MYO1B: variants seen among roughly 807,000 people sequenced by gnomAD.
MYO1B encodes myosin IB.
MYO1B carries 72 observed loss-of-function variants against 159.7 expected under a neutral mutation model. The ratio of observed to expected loss-of-function variants is 0.45; its 90% CI spans 0.37 to 0.55. The LOEUF is 0.55. Among genes scored for constraint, MYO1B ranks in the 20% least tolerant of loss-of-function variants. The pLI, the probability that MYO1B is intolerant of heterozygous loss-of-function variation, is 0.00. For missense variants in MYO1B, 1,062 were observed against 1,364.8 expected, an observed-to-expected ratio of 0.78 and a Z score of 3.50; for synonymous variants, 468 against 473.8, an observed-to-expected ratio of 0.99 and a Z score of 0.16.
intron 1 of MYO1B, among the ~76,000 whole-genome samples, chr2:191,265,187 G>GT (rs34417586): frequency 0.049 from 6,702 of 136,132 alleles, 398 homozygotes; most frequent in African/African-American, 0.15. Context: ...GAAGGCCCCT[G>GT]TTTTTTTTTT....
Position 191,408,155 on chromosome 2 carries a change from G to A in MYO1B, c.2597G>A (p.Gly866Glu). The change falls in exon 25 of 31, where the codon GGA becomes GAA. Residue 866 changes from glycine to glutamate, a missense_variant. Physicochemically the swap from Gly to Glu is moderately conservative, Grantham distance 98. This residue lies in a region of MYO1B where 609 missense variants were observed against 744.4 expected (regional missense o/e 0.82). Coordinates refer to ENST00000392318, the MANE Select transcript of MYO1B (RefSeq NM_001130158.3). ...EYRKFFRANA[G>E]KKIYEFTLQR... Reference sequence around the variant, plus strand: ...AGGAAATTCTTCAGAGCCAATGCTGGAAAGAAAATCTATGAGTTTACGCTT... The same window carrying A: ...AGGAAATTCTTCAGAGCCAATGCTGAAAAGAAAATCTATGAGTTTACGCTT... The A allele has an allele frequency of 6.2e-7, 1 of 1,613,344 alleles. No homozygotes were observed. Among genetic ancestry groups the A allele is most frequent in the East Asian group, 2.2e-5 (1 of 44,804 alleles).
Position 191,362,259 on chromosome 2 carries a change from AT to A in MYO1B, c.662-7del. 1 of 1,607,964 alleles carries A rather than the reference AT, an allele frequency of 6.2e-7. No individual in the cohort carries two copies. Among genetic ancestry groups the A allele is most frequent in the Non-Finnish European group, 8.5e-7 (1 of 1,174,866 alleles). On this transcript the variant is annotated splice_region_variant and splice_polypyrimidine_tract_variant and intron_variant, in intron 8 of 30. Transcript: ENST00000392318. ...AGCAACTTAACAACTTGTGTCTTTG[AT>A]TCAATAGATAAACTTAAGCTTGAGA...
chr2:191,354,256 AAATAATAATAATAATAATAAT>A (rs71030337), intron 7 of MYO1B, among the ~76,000 whole-genome samples: 4 of 143,860 alleles, frequency 2.8e-5, no homozygotes, highest in African/African-American at 1.0e-4. Flanking sequence ...ACTCCGTCTT[AAATAATAATAATAATAATAAT>A]AATAATAATA....
At chr2:191,334,415 G>A (rs1222660553) in intron 4 of MYO1B, among the ~76,000 whole-genome samples, 1 of 152,012 alleles carries the variant, frequency 6.6e-6, no homozygotes, top group Non-Finnish European at 1.5e-5. Context: ...CAGAGGATTG[G>A]CATCCATTTT....
At chr2:191,376,771 A>T (rs1487198806) in intron 13 of MYO1B, among the ~76,000 whole-genome samples, 1 of 152,186 alleles carries the variant, frequency 6.6e-6, no homozygotes, top group Non-Finnish European at 1.5e-5. Flanking sequence ...TGTCCCAAAT[A>T]CAGAGGGACA....
rs56181818 is a variant in MYO1B, at chr2:191,327,671, G to T, written c.252-2264G>T. On this transcript the variant is annotated intron_variant, in intron 3 of 30. Transcript: ENST00000392318. ...AATCAGAATGTGAGAGAAGGCTAAG[G>T]CCACAAGCAGCTGTGAAGCTTGAGC... Among the ~76,000 whole-genome samples, 1,282 of 152,334 alleles carry T rather than the reference G, an allele frequency of 8.4e-3. 18 individuals are homozygous for T. The highest frequency in any genetic ancestry group is 0.029 in the African/African-American group (1,224 of 41,584).
chr2:191,363,717 T>C lies in MYO1B; in HGVS notation c.766-11T>C, dbSNP rs76422742. ...AGAAAAAAATAGTTGCTTTTTTTTTTCTCTCCCCAGAATGCCATGCAGATT... is the reference window on the plus strand; with the variant it reads ...AGAAAAAAATAGTTGCTTTTTTTTTCCTCTCCCCAGAATGCCATGCAGATT... On this transcript the variant is annotated splice_polypyrimidine_tract_variant and intron_variant, in intron 9 of 30. Transcript: ENST00000392318. 3 of 1,572,190 alleles carry C rather than the reference T, an allele frequency of 1.9e-6. No homozygotes were observed. The highest frequency in any genetic ancestry group is 2.6e-6 in the Non-Finnish European group (3 of 1,167,682).
chr2:191,360,600 T>G, intron 7 of MYO1B, 31 bp from the exon 8 acceptor site: 1 of 1,381,526 alleles, frequency 7.2e-7, no homozygotes, highest in Non-Finnish European at 1.0e-6. Context: ...GTGAAACAAA[T>G]GCCATACTAT....
chr2:191,341,495 T>C lies in MYO1B; in HGVS notation c.381T>C (p.Ala127=). 1.2e-6 allele frequency: 2 copies of C among 1,614,072 alleles called. No homozygotes were observed. Among genetic ancestry groups the C allele is most frequent in the East Asian group, 2.2e-5 (1 of 44,884 alleles). ...AGCTTGTCATGTCCTATGTGGCAGC[T>C]GTTTGTGGAAAAGGAGCAGAAGTTA... ...ASKLVMSYVA[A]VCGKGAEVNQ... Residue 127 remains alanine, a synonymous_variant, in exon 5 of 31, where the codon GCT becomes GCC. Transcript: ENST00000392318.
intron 3 of MYO1B, among the ~76,000 whole-genome samples, chr2:191,303,184 A>G (rs1294375256): frequency 6.6e-6 from 1 of 151,700 alleles, no homozygotes; most frequent in Middle Eastern, 3.4e-3. Context: ...TTATGTAGTC[A>G]GTTTTTTTTT....
At chr2:191,402,773 C>T (rs1696692887) in intron 24 of MYO1B, 55 bp downstream of exon 24, 1 of 1,328,884 alleles carries the variant, frequency 7.5e-7, no homozygotes, top group East Asian at 2.3e-5. Context: ...AGCCTAGCAC[C>T]TACTAACCCT....
chr2:191,383,994 A>G lies in MYO1B; in HGVS notation c.1353+652A>G, dbSNP rs147278677. 3.9e-3 allele frequency among the ~76,000 whole-genome samples: 599 copies of G among 152,320 alleles called. 2 individuals carry two copies. The highest frequency in any genetic ancestry group is 0.014 in the African/African-American group (578 of 41,582). ...GCTGTAGCATTGATTCAGATCATAC[A>G]TGCAGAGGGCATTGCATGTGTGACT... On this transcript the variant is annotated intron_variant, in intron 15 of 30. Transcript: ENST00000392318.
intron 3 of MYO1B, among the ~76,000 whole-genome samples, chr2:191,311,567 C>G (rs1356649003): frequency 6.6e-6 from 1 of 152,172 alleles, no homozygotes; most frequent in Non-Finnish European, 1.5e-5. Context: ...TTTGGCCATG[C>G]AGTGTTGCTG....
At chr2:191,383,473 T>TATATATATATATATATATATACAC (rs1170563038) in intron 15 of MYO1B, 131 bp downstream of exon 15, 16 of 119,824 alleles carry the variant, frequency 1.3e-4, no homozygotes, top group African/African-American at 6.1e-4. Flanking sequence ...TATATATATA[T>TATATATATATATATATATATACAC]ACACACACAC....
At chr2:191,402,117 T>C (rs1194972400) in intron 23 of MYO1B, 5 of 152,354 alleles carry the variant, frequency 3.3e-5, no homozygotes, top group Admixed American at 3.3e-4. Context: ...GGTTTTTGTT[T>C]GCACTTCAGA....
At chr2:191,380,709 G>T (rs1206523277) in intron 13 of MYO1B, among the ~76,000 whole-genome samples, 1 of 152,090 alleles carries the variant, frequency 6.6e-6, no homozygotes, top group Non-Finnish European at 1.5e-5. Context: ...AGTGATCAAG[G>T]GTATGGGCCT....
In MYO1B at chr2:191,364,274, C is replaced by G; in HGVS notation, c.1030C>G (p.Gln344Glu). 6.2e-7 allele frequency: 1 copy of G among 1,609,618 alleles called. No homozygotes were observed. The highest frequency in any genetic ancestry group is 8.5e-7 in the Non-Finnish European group (1 of 1,176,028). Residue 344 changes from glutamine to glutamate, a missense_variant and splice_region_variant, in exon 11 of 31, where the codon CAG (glutamine) becomes GAG (glutamate). Around this residue, in one of 5 missense-constraint regions of MYO1B, gnomAD observed 415 missense variants for 544.0 expected, o/e 0.76. Transcript: ENST00000392318. ...AGTTTCAACTACACTGAATGTGGCT[C>G]AGGTGGGTGAAACATAATGTACAGA... ...EKVSTTLNVAQAYYARDALAK... is the reference protein window; with the variant it reads ...EKVSTTLNVAEAYYARDALAK...
chr2:191,286,232 C>G (rs1398793787), intron 2 of MYO1B, among the ~76,000 whole-genome samples: 3 of 152,002 alleles, frequency 2.0e-5, no homozygotes, highest in South Asian at 2.1e-4. Flanking sequence ...AGATAGACAC[C>G]TAAGTCTGTT....
At chr2:191,418,506 T>TTTTTTTAGG (rs869185365) in intron 30 of MYO1B, among the ~76,000 whole-genome samples, 1 of 143,698 alleles carries the variant, frequency 7.0e-6, no homozygotes, top group Non-Finnish European at 1.5e-5. Flanking sequence ...TTTTTTTTTT[T>TTTTTTTAGG]GAGGCAGAGT....
Sources: allele counts gnomAD v4.1 joint callset (sites outside exome capture counted in the v4.1 genomes callset), GRCh38; gene constraint gnomAD v4.1.1; regional missense constraint gnomAD v4.1.1; transcripts MANE v1.5; gene names NCBI Gene and HGNC (gene_info 2026-07-23, HGNC 2026-07-21).